Variants in PCBP2 observed in about 807,000 individuals in gnomAD.
The protein encoded by PCBP2 is poly(rC)-binding protein 2.
Under a neutral mutation model 50.1 loss-of-function variants are expected in PCBP2, and 4 were observed. That is an observed-to-expected ratio of 0.08 (90% CI 0.04 to 0.18). The LOEUF is 0.18. Among genes scored for constraint, PCBP2 ranks in the 10% least tolerant of loss-of-function variants. PCBP2 has a pLI of 1.00. For synonymous variants in PCBP2, 179 were observed against 168.0 expected (o/e 1.07, Z -0.51); for missense variants, 161 against 474.3 (o/e 0.34, Z 6.14).
At position 53,461,001 on chromosome 12, in the gene PCBP2, T is replaced by G; in HGVS notation, c.376-14T>G. On this transcript the variant is annotated splice_polypyrimidine_tract_variant and intron_variant, in intron 6 of 14. Transcript: ENST00000546463. ...CTGTTTTTCTCTGATTTTGAATTTC[T>G]TTTTACTCCAAAGAGTACAGGGGCT... 6.2e-7 allele frequency: 1 copy of G among 1,612,208 alleles called. No homozygotes were observed. Among genetic ancestry groups the G allele is most frequent in the South Asian group, 1.1e-5 (1 of 90,948 alleles).
chr12:53,468,652 G>T (rs1419391590), intron 12 of PCBP2, 125 bp from the exon 13 acceptor site: 1 of 749,812 alleles, frequency 1.3e-6, no homozygotes. Context: ...TTCCAAGTTA[G>T]TGATGAATCC....
At chr12:53,464,909 C>G in intron 9 of PCBP2, 57 bp downstream of exon 9, 1 of 1,533,914 alleles carries the variant, frequency 6.5e-7, no homozygotes, top group South Asian at 1.3e-5. Context: ...TCAGCCGAGA[C>G]TGCCAACACA....
At chr12:53,458,347 C>T (rs1453223461) in intron 5 of PCBP2, among the ~76,000 whole-genome samples, 1 of 152,108 alleles carries the variant, frequency 6.6e-6, no homozygotes, top group Non-Finnish European at 1.5e-5. Flanking sequence ...ATTCTGTTCC[C>T]TAGGCTGGAG....
At chr12:53,470,669 C>G (rs78070898) in intron 13 of PCBP2, among the ~76,000 whole-genome samples, 5,848 of 151,940 alleles carry the variant, frequency 0.038, 295 homozygotes, top group East Asian at 0.14. Context: ...GAGCCACGGT[C>G]CCCCACCATA....
At chr12:53,470,053 G>GT (rs1471535193) in intron 13 of PCBP2, among the ~76,000 whole-genome samples, 19 of 151,578 alleles carry the variant, frequency 1.3e-4, no homozygotes, top group South Asian at 2.1e-4. Flanking sequence ...GCCTGCTTTT[G>GT]TTTTTTTGTA....
At chr12:53,468,517 T>C (rs1220221126) in intron 12 of PCBP2, 35 of 499,856 alleles carry the variant, frequency 7.0e-5, no homozygotes, top group Non-Finnish European at 1.1e-4. Context: ...CTTGCTTCCA[T>C]CCCCCATCCC....
At chr12:53,462,594 G>C in intron 8 of PCBP2, 27 bp downstream of exon 8, 1 of 1,563,990 alleles carries the variant, frequency 6.4e-7, no homozygotes, top group Non-Finnish European at 8.8e-7. Context: ...TTGTGGGCTA[G>C]AATGAACAGA....
At chr12:53,472,916 C>T (rs1437326504) in intron 14 of PCBP2, among the ~76,000 whole-genome samples, 1 of 152,078 alleles carries the variant, frequency 6.6e-6, no homozygotes, top group African/African-American at 2.4e-5. Flanking sequence ...ACACTAGGTC[C>T]TTAATGTTGA....
intron 14 of PCBP2, among the ~76,000 whole-genome samples, chr12:53,477,736 T>TCCAAAA (rs1245408554): frequency 2.0e-5 from 3 of 150,686 alleles, no homozygotes; most frequent in Non-Finnish European, 4.4e-5. Flanking sequence ...AAACCATTTC[T>TCCAAAA]GACTAAAAGT....
chr12:53,472,988 T>G (rs1370572894), intron 14 of PCBP2, among the ~76,000 whole-genome samples: 1 of 152,224 alleles, frequency 6.6e-6, no homozygotes, highest in Non-Finnish European at 1.5e-5. Flanking sequence ...CTTTTTCTTT[T>G]TTAGAGATAG....
chr12:53,467,684 TTTTTG>T (rs1189343270), intron 11 of PCBP2, 116 bp from the exon 12 acceptor site: 2 of 822,738 alleles, frequency 2.4e-6, no homozygotes, highest in Non-Finnish European at 4.1e-6. Context: ...TGTAGTGTTT[TTTTTG>T]TTTTTGTTTT....
intron 14 of PCBP2, chr12:53,475,640 C>T (rs1054819232): frequency 1.2e-4 from 19 of 164,884 alleles, no homozygotes; most frequent in South Asian, 9.1e-4. Context: ...ATAAAGTTGG[C>T]GCAGTAAGAA....
At chr12:53,455,416 G>C (rs759349413) in intron 3 of PCBP2, 45 bp from the exon 4 acceptor site, 2 of 1,613,850 alleles carry the variant, frequency 1.2e-6, no homozygotes, top group African/African-American at 1.3e-5. Context: ...AGTAATTCTG[G>C]ATTGAAGTAG....
At chr12:53,477,002 C>G (rs577548749) in intron 14 of PCBP2, among the ~76,000 whole-genome samples, 1 of 152,202 alleles carries the variant, frequency 6.6e-6, no homozygotes, top group Non-Finnish European at 1.5e-5. Flanking sequence ...GCTACCATCA[C>G]TACCTCCAAA....
intron 1 of PCBP2, among the ~76,000 whole-genome samples, chr12:53,454,187 T>C (rs187132498): frequency 6.6e-5 from 10 of 152,360 alleles, no homozygotes; most frequent in Non-Finnish European, 2.9e-5. Flanking sequence ...CTAAATCTTT[T>C]AGAAATCATT....
chr12:53,475,159 C>T (rs766846526), intron 14 of PCBP2: 2 of 456,594 alleles, frequency 4.4e-6, no homozygotes, highest in Non-Finnish European at 8.8e-6. Flanking sequence ...ACCACCTCTG[C>T]CGTGCCATGT....
Position 53,455,383 on chromosome 12 carries a change from C to G in PCBP2, c.93+13C>G. The G allele has an allele frequency of 6.2e-7, 1 of 1,614,022 alleles. No individual in the cohort carries two copies. The highest frequency in any genetic ancestry group is 8.5e-7 in the Non-Finnish European group (1 of 1,179,882). ...TATCATCGGAAAGGTAAGACAATTTCACTTCAACTTCAATTACCATTTAGT... is the reference window on the plus strand; with the variant it reads ...TATCATCGGAAAGGTAAGACAATTTGACTTCAACTTCAATTACCATTTAGT... On this transcript the variant is annotated intron_variant, in intron 3 of 14. Transcript: ENST00000546463.
At chr12:53,467,681 T>C in intron 11 of PCBP2, 124 bp from the exon 12 acceptor site, 1 of 808,582 alleles carries the variant, frequency 1.2e-6, no homozygotes, top group Non-Finnish European at 2.1e-6. Context: ...TTGTGTAGTG[T>C]TTTTTTTGTT....
chr12:53,452,671 T>G (rs2137004397), intron 1 of PCBP2: 1 of 139,362 alleles, frequency 7.2e-6, no homozygotes, highest in Non-Finnish European at 1.6e-5. Flanking sequence ...ATTTGTTGGT[T>G]GTGGGGGGTT....
Sources: gnomAD v4.1 joint callset for allele counts (sites outside exome capture counted in the v4.1 genomes callset) on GRCh38, gnomAD v4.1.1 for gene constraint, MANE v1.5 for transcripts, NCBI Gene and HGNC (gene_info 2026-07-23, HGNC 2026-07-21) for gene names.